KIRREL3: variants seen among roughly 807,000 people sequenced by gnomAD.
The protein encoded by KIRREL3 is kin of IRRE-like protein 3.
KIRREL3 carries 36 observed loss-of-function variants against 89.7 expected under a neutral mutation model. The observed-to-expected ratio is 0.40, with a 90% CI of 0.31 to 0.53. The LOEUF is 0.53. Ranked by LOEUF, KIRREL3 falls within the 20% of genes least tolerant of loss-of-function variation. The pLI, the probability that KIRREL3 is intolerant of heterozygous loss-of-function variation, is 0.49. For missense variants in KIRREL3, 864 were observed against 1,056.6 expected (o/e 0.82, Z 2.53); for synonymous variants, 445 against 441.4 (o/e 1.01, Z -0.10).
chr11:126,568,351 G>T lies in KIRREL3; in HGVS notation c.56-5439C>A, dbSNP rs1409719695. ...CTGGGAGACCGCTGCCATACTCCAGGTGGGAGATGGTGGGCTTGCATCTGC... is the reference window on the plus strand; with the variant it reads ...CTGGGAGACCGCTGCCATACTCCAGTTGGGAGATGGTGGGCTTGCATCTGC... On this transcript the variant is annotated intron_variant, in intron 1 of 16. Coordinates refer to ENST00000525144, the MANE Select transcript of KIRREL3 (RefSeq NM_032531.4). This position sits in a 1 kb window ranked among gnomAD's most constrained non-coding sequence, Gnocchi z 4.6. Among the ~76,000 whole-genome samples the T allele has an allele frequency of 6.6e-6, 1 of 152,240 alleles. No individual in the cohort carries two copies. Among genetic ancestry groups the T allele is most frequent in the Admixed American group, 6.5e-5 (1 of 15,292 alleles).
intron 1 of KIRREL3, among the ~76,000 whole-genome samples, chr11:126,659,361 A>G (rs4937173): frequency 0.3 from 46,087 of 152,136 alleles, 7,209 homozygotes; most frequent in East Asian, 0.39. Context: ...CCACTGAGTA[A>G]GCACTCAAAA....
Position 127,000,580 on chromosome 11 carries a change from C to A in KIRREL3, c.-71G>T, listed in dbSNP as rs946364338. 7.9e-6 allele frequency: 12 copies of A among 1,510,192 alleles called. No individual in the cohort carries two copies. Among genetic ancestry groups the A allele is most frequent in the Admixed American group, 2.0e-5 (1 of 50,728 alleles). The allele number at this position is 1,510,192 out of a possible 1,614,324, so 93.5% of individuals were successfully genotyped here. A position where few individuals can be genotyped will look rare whatever the true frequency, so the allele number is the denominator to read the frequency against. On this transcript the variant is annotated 5_prime_UTR_variant, in exon 1 of 17. Transcript: ENST00000525144. This position sits in a 1 kb window ranked among gnomAD's most constrained non-coding sequence, Gnocchi z 7.1. Reference sequence around the variant, plus strand: ...TTAGTTTCTCTTCCTTGGCGGCTCTCGGTGCTCAGCCTCCGCCGGTCCTCT... The same window carrying A: ...TTAGTTTCTCTTCCTTGGCGGCTCTAGGTGCTCAGCCTCCGCCGGTCCTCT...
At chr11:126,851,575 C>T (rs762127759) in intron 1 of KIRREL3, among the ~76,000 whole-genome samples, 6 of 152,162 alleles carry the variant, frequency 3.9e-5, no homozygotes, top group Non-Finnish European at 7.3e-5. Flanking sequence ...ACAGAGAGAA[C>T]ATCTCGAATG....
rs1200647974 is a variant in KIRREL3 at position 126,531,079 on chromosome 11, C to T, written c.134-4392G>A. 2.0e-5 allele frequency among the ~76,000 whole-genome samples: 3 copies of T among 152,138 alleles called. No homozygotes were observed. The highest frequency in any genetic ancestry group is 4.4e-5 in the Non-Finnish European group (3 of 68,010). ...TCCTGACCTCATGATCCACCTGCCT[C>T]GACCTCCCAAAGTGTTGGGATTACG... On this transcript the variant is annotated intron_variant, in intron 2 of 16. Coordinates refer to ENST00000525144, the MANE Select transcript of KIRREL3 (RefSeq NM_032531.4). This position sits in a 1 kb window ranked among gnomAD's most constrained non-coding sequence, Gnocchi z 4.7.
At chr11:126,721,809 G>C (rs759559502) in intron 1 of KIRREL3, among the ~76,000 whole-genome samples, 5 of 152,202 alleles carry the variant, frequency 3.3e-5, no homozygotes, top group Non-Finnish European at 7.3e-5. Flanking sequence ...GACAGCTGCA[G>C]CTTCACACCT....
At chr11:126,792,720 T>A (rs1247305535) in intron 1 of KIRREL3, among the ~76,000 whole-genome samples, 2 of 152,234 alleles carry the variant, frequency 1.3e-5, no homozygotes, top group Non-Finnish European at 2.9e-5. Context: ...AGTAACAACA[T>A]GGATAAATCT....
chr11:126,427,676 A>G lies in KIRREL3; in HGVS notation c.1806+1503T>C, dbSNP rs576354385. ...CACTGAGGAGCCCTGATGGCACACC[A>G]GGAAGTTGGGCTTTGTCCAGCAGAT... On this transcript the variant is annotated intron_variant, in intron 15 of 16. Transcript: ENST00000525144. This position sits in a 1 kb window ranked among gnomAD's most constrained non-coding sequence, Gnocchi z 5.3. 6.6e-6 allele frequency among the ~76,000 whole-genome samples: 1 copy of G among 152,346 alleles called. No homozygotes were observed. Among genetic ancestry groups the G allele is most frequent in the African/African-American group, 2.4e-5 (1 of 41,588 alleles).
In KIRREL3 at chr11:126,768,442, G is replaced by A. The variant is rs1055152447; in HGVS notation, c.56-205530C>T. ...CAGTCAGGCAGGCCAAGGATCTTATGAACTTGGTTTATGAGATCCTTGGTT... is the reference window on the plus strand; with the variant it reads ...CAGTCAGGCAGGCCAAGGATCTTATAAACTTGGTTTATGAGATCCTTGGTT... On this transcript the variant is annotated intron_variant, in intron 1 of 16. Transcript: ENST00000525144. The surrounding 1 kb of genome is among the most constrained non-coding windows in gnomAD (Gnocchi z 4.5). 1.3e-5 allele frequency among the ~76,000 whole-genome samples: 2 copies of A among 152,224 alleles called. No homozygotes were observed. The highest frequency in any genetic ancestry group is 6.5e-5 in the Admixed American group (1 of 15,284).
intron 2 of KIRREL3, among the ~76,000 whole-genome samples, chr11:126,536,540 A>T (rs1937894592): frequency 6.8e-6 from 1 of 147,206 alleles, no homozygotes; most frequent in Non-Finnish European, 1.5e-5. Flanking sequence ...GGGATTTGGG[A>T]TGGTTGTGTA....
intron 4 of KIRREL3, among the ~76,000 whole-genome samples, 173 bp from the exon 5 acceptor site, chr11:126,473,639 CAT>C (rs918553571): frequency 4.0e-4 from 61 of 152,310 alleles, no homozygotes; most frequent in African/African-American, 1.4e-3. Context: ...TGATCCCTGA[CAT>C]GTGCACTGCG....
At position 126,938,584 on chromosome 11, in the gene KIRREL3, C is replaced by A. The variant is rs555506455; in HGVS notation, c.55+61871G>T. Among the ~76,000 whole-genome samples the A allele has an allele frequency of 3.9e-5, 6 of 152,274 alleles. No homozygotes were observed. In the South Asian group the frequency reaches 1.0e-3, roughly 26 times the overall value. ...TAGGCAACCAGCTACTCTAGGTCTC[C>A]ACTGATTAAAAACATTATGTATAGG... On this transcript the variant is annotated intron_variant, in intron 1 of 16. Transcript: ENST00000525144.
At position 126,553,555 on chromosome 11, in the gene KIRREL3, A is replaced by C. The variant is rs140181144; in HGVS notation, c.133+9280T>G. The stretch of plus-strand genomic sequence containing the variant: ...ATCTCTACACTGCTGCGGTGCCTCC[A>C]TATCTACCCATTTCATGAGCCCAGG... On this transcript the variant is annotated intron_variant, in intron 2 of 16. Coordinates refer to ENST00000525144, the MANE Select transcript of KIRREL3 (RefSeq NM_032531.4). The surrounding 1 kb of genome is among the most constrained non-coding windows in gnomAD (Gnocchi z 4.7). Among the ~76,000 whole-genome samples the C allele has an allele frequency of 3.5e-4, 53 of 152,320 alleles. No homozygotes were observed. The Middle Eastern group carries it at 0.014, about 39-fold the overall frequency.
chr11:126,875,110 T>TATCA (rs780183882), intron 1 of KIRREL3, among the ~76,000 whole-genome samples: 7 of 152,208 alleles, frequency 4.6e-5, no homozygotes, highest in Admixed American at 1.3e-4. Flanking sequence ...GGCAAGTGTA[T>TATCA]ATCAATCAAT....
At chr11:126,478,747 GTGTGTGTGTATA>G (rs545914996) in intron 4 of KIRREL3, among the ~76,000 whole-genome samples, 83 of 149,128 alleles carry the variant, frequency 5.6e-4, no homozygotes, top group South Asian at 8.3e-4. Context: ...GTATGTAAGT[GTGTGTGTGTATA>G]TGTGTGTGTA....
chr11:126,784,077 A>C (rs913571448), intron 1 of KIRREL3, among the ~76,000 whole-genome samples: 3 of 152,226 alleles, frequency 2.0e-5, no homozygotes, highest in Admixed American at 2.0e-4. Flanking sequence ...AAGGTCATAA[A>C]AAACAAACAG....
Position 126,601,090 on chromosome 11 carries a change from C to T in KIRREL3, c.56-38178G>A, listed in dbSNP as rs540006036. Among the ~76,000 whole-genome samples, 1 of 151,986 alleles carries T rather than the reference C, an allele frequency of 6.6e-6. No homozygotes were observed. The highest frequency in any genetic ancestry group is 1.5e-5 in the Non-Finnish European group (1 of 68,008). The stretch of plus-strand genomic sequence containing the variant: ...CTTTGTCCCCCGTCCTCCCAGCCCC[C>T]CGATGTTCCAGGAAGCCAAAGCACA... On this transcript the variant is annotated intron_variant, in intron 1 of 16. Coordinates refer to ENST00000525144, the MANE Select transcript of KIRREL3 (RefSeq NM_032531.4). The surrounding 1 kb of genome is among the most constrained non-coding windows in gnomAD (Gnocchi z 5.8).
In KIRREL3 at chr11:126,892,343, A is replaced by G. The variant is rs1314540454; in HGVS notation, c.55+108112T>C. ...CCTCCTCAGGACCCACCGTGGAAGC[A>G]GAACTCCCAACTGTCTTTCTCACTG... On this transcript the variant is annotated intron_variant, in intron 1 of 16. Transcript: ENST00000525144. The surrounding 1 kb of genome is among the most constrained non-coding windows in gnomAD (Gnocchi z 5.4). Among the ~76,000 whole-genome samples, 1 of 152,168 alleles carries G rather than the reference A, an allele frequency of 6.6e-6. No homozygotes were observed. The highest frequency in any genetic ancestry group is 2.4e-5 in the African/African-American group (1 of 41,428).
At chr11:126,925,189 C>A (rs1158036927) in intron 1 of KIRREL3, among the ~76,000 whole-genome samples, 2 of 151,854 alleles carry the variant, frequency 1.3e-5, no homozygotes, top group Non-Finnish European at 2.9e-5. Flanking sequence ...CCACCTGCCA[C>A]ACACCATTGC....
intron 2 of KIRREL3, among the ~76,000 whole-genome samples, chr11:126,534,278 C>T (rs1448247472): frequency 2.7e-5 from 4 of 150,738 alleles, no homozygotes; most frequent in South Asian, 2.1e-4. Context: ...GGGTAGGGGG[C>T]GTCTCCCGGG....
Sources: gnomAD v4.1 joint callset for allele counts (sites outside exome capture counted in the v4.1 genomes callset) on GRCh38, gnomAD v4.1.1 for gene constraint, Gnocchi (gnomAD v3.1) non-coding constraint, MANE v1.5 for transcripts, NCBI Gene and HGNC (gene_info 2026-07-23, HGNC 2026-07-21) for gene names.